EWSR1: variants seen among roughly 807,000 people sequenced by gnomAD.
The protein encoded by EWSR1 is EWS RNA binding protein 1.
EWSR1 carries 14 observed loss-of-function variants against 92.1 expected under a neutral mutation model. That is an observed-to-expected ratio of 0.15 (90% CI 0.10 to 0.24). The LOEUF is 0.24. EWSR1 is among the 10% of genes least tolerant of loss of function. The pLI is 1.00. For missense variants in EWSR1, 637 were observed against 870.9 expected, an observed-to-expected ratio of 0.73 and a Z score of 3.38; for synonymous variants, 303 against 292.9, an observed-to-expected ratio of 1.03 and a Z score of -0.35.
chr22:29,297,207 C>T (rs1377459388), intron 12 of EWSR1, among the ~76,000 whole-genome samples: 2 of 152,158 alleles, frequency 1.3e-5, no homozygotes, highest in Non-Finnish European at 2.9e-5. Context: ...AGTGCAGTGA[C>T]ACAAGCCATC....
intron 11 of EWSR1, among the ~76,000 whole-genome samples, chr22:29,293,651 G>A (rs996377855): frequency 9.9e-5 from 15 of 152,212 alleles, no homozygotes; most frequent in African/African-American, 3.6e-4. Flanking sequence ...TGCAGCCTCT[G>A]GCTCCTGGGT....
intron 5 of EWSR1, among the ~76,000 whole-genome samples, chr22:29,279,631 A>G (rs540012497): frequency 2.0e-5 from 3 of 152,342 alleles, no homozygotes; most frequent in Admixed American, 6.5e-5. Flanking sequence ...GAAAGAAGAC[A>G]TTTTAGGAAA....
chr22:29,299,864 G>GA lies in EWSR1; in HGVS notation c.1931+17dup. On this transcript the variant is annotated intron_variant, in intron 16 of 16. Transcript: ENST00000397938. ...GAAAAATGGATAAGTAAGTGCTGGTGAAAAGCAGCTGTGGGCCGCCAGGCA... is the reference window on the plus strand; with the variant it reads ...GAAAAATGGATAAGTAAGTGCTGGTGAAAAAGCAGCTGTGGGCCGCCAGGCA... The GA allele has an allele frequency of 6.5e-7, 1 of 1,535,794 alleles. No individual in the cohort carries two copies. The highest frequency in any genetic ancestry group is 1.4e-5 in the African/African-American group (1 of 72,508).
At chr22:29,268,801 C>T (rs1252738749) in intron 1 of EWSR1, among the ~76,000 whole-genome samples, 1 of 152,226 alleles carries the variant, frequency 6.6e-6, no homozygotes, top group South Asian at 2.1e-4. Flanking sequence ...CCTGAGAAAC[C>T]AGGGGAAAAA....
intron 12 of EWSR1, among the ~76,000 whole-genome samples, chr22:29,297,571 G>T (rs1300505421): frequency 6.6e-6 from 1 of 152,166 alleles, no homozygotes; most frequent in East Asian, 1.9e-4. Flanking sequence ...ATGCGTGCCT[G>T]TAGTCCCAGC....
chr22:29,291,448 A>G, intron 8 of EWSR1, 114 bp from the exon 9 acceptor site: 1 of 944,494 alleles, frequency 1.1e-6, no homozygotes, highest in South Asian at 1.7e-5. Context: ...AGAGAGATGC[A>G]TTGTTTGGAG....
chr22:29,281,154 T>C (rs2059570693), intron 5 of EWSR1, among the ~76,000 whole-genome samples: 1 of 151,878 alleles, frequency 6.6e-6, no homozygotes, highest in South Asian at 2.1e-4. Flanking sequence ...TCTGGGATTA[T>C]AGGTGTGAAC....
intron 6 of EWSR1, among the ~76,000 whole-genome samples, chr22:29,285,163 G>A (rs933095095): frequency 9.3e-6 from 1 of 107,872 alleles, no homozygotes; most frequent in African/African-American, 3.8e-5. Context: ...TTGCTCTGTT[G>A]CCCAGGTTGG....
chr22:29,285,554 G>C (rs1245944707), intron 6 of EWSR1, among the ~76,000 whole-genome samples: 1 of 151,330 alleles, frequency 6.6e-6, no homozygotes, highest in African/African-American at 2.5e-5. Flanking sequence ...TTAATACTCA[G>C]ATTTCATAGT....
rs1162132193 is a variant in EWSR1 at position 29,276,409 on chromosome 22, T to A, written c.227-1621T>A. 3 of 222,354 alleles carry A rather than the reference T, an allele frequency of 1.3e-5. No homozygotes were observed. The East Asian group carries it at 2.0e-4, about 15-fold the overall frequency. The allele number at this position is 222,354 out of a possible 1,614,324, so 13.8% of individuals were successfully genotyped here. On this transcript the variant is annotated intron_variant, in intron 4 of 16. Coordinates refer to ENST00000397938, the MANE Select transcript of EWSR1 (RefSeq NM_005243.4). ...AGCAGTTTTGACAAGGACATTACTA[T>A]CTCTGTGTATAATTTCAGAATTTCC...
Position 29,296,311 on chromosome 22 carries a change from G to GGC in EWSR1, c.1237_1238insGC (p.Ala413GlyfsTer40). The GGC allele has an allele frequency of 6.2e-7, 1 of 1,614,100 alleles. No homozygotes were observed. The stretch of plus-strand genomic sequence containing the variant: ...GGAAACAGGAAAGCCCAAAGGCGAT[G>GGC]CCACAGTGTCCTATGAAGACCCACC... On this transcript the variant is annotated frameshift_variant, in exon 12 of 17. Transcript: ENST00000397938. LOFTEE classifies it high-confidence loss of function.
At chr22:29,288,003 C>A (rs1229978554) in intron 7 of EWSR1, among the ~76,000 whole-genome samples, 2 of 151,794 alleles carry the variant, frequency 1.3e-5, no homozygotes, top group East Asian at 3.9e-4. Context: ...ATAGTGAGAC[C>A]CTGTCTTTTT....
chr22:29,268,403 G>A, intron 1 of EWSR1, 54 bp downstream of exon 1: 2 of 1,613,686 alleles, frequency 1.2e-6, no homozygotes, highest in Non-Finnish European at 1.7e-6. Flanking sequence ...GCCCAAACTG[G>A]GGGTCGTTCG....
Position 29,300,484 on chromosome 22 carries a change from T to G in EWSR1, c.*323T>G, listed in dbSNP as rs1400558459. ...CAATGTTCATGGTTGTGATGTTTTT[T>G]TTTTTTTTTTAAATAAAATTCCAAA... On this transcript the variant is annotated 3_prime_UTR_variant, in exon 17 of 17. Transcript: ENST00000397938. The G allele has an allele frequency of 4.0e-5, 10 of 251,718 alleles. No individual in the cohort carries two copies. Among genetic ancestry groups the G allele is most frequent in the African/African-American group, 8.9e-5 (4 of 45,112 alleles). The allele number at this position is 251,718 out of a possible 1,614,324, so 15.6% of individuals were successfully genotyped here. A position where few individuals can be genotyped will look rare whatever the true frequency, so the allele number is the denominator to read the frequency against.
intron 3 of EWSR1, among the ~76,000 whole-genome samples, 163 bp from the exon 4 acceptor site, chr22:29,273,578 C>G (rs1045102928): frequency 6.6e-6 from 1 of 152,106 alleles, no homozygotes; most frequent in African/African-American, 2.4e-5. Context: ...GGATAACATT[C>G]ATGATACTGT....
At chr22:29,274,835 A>G (rs560459990) in intron 4 of EWSR1, among the ~76,000 whole-genome samples, 1 of 152,322 alleles carries the variant, frequency 6.6e-6, no homozygotes, top group African/African-American at 2.4e-5. Context: ...TGAAAAACCT[A>G]TGATAATTTT....
intron 6 of EWSR1, among the ~76,000 whole-genome samples, chr22:29,284,305 T>C (rs923165804): frequency 1.3e-5 from 2 of 151,438 alleles, no homozygotes; most frequent in African/African-American, 4.9e-5. Flanking sequence ...CATGTTTAAT[T>C]AGATGTGGGT....
intron 5 of EWSR1, among the ~76,000 whole-genome samples, chr22:29,282,015 C>T (rs914949148): frequency 2.6e-5 from 4 of 152,220 alleles, no homozygotes; most frequent in African/African-American, 9.7e-5. Flanking sequence ...TGGTCTTCAG[C>T]AGTCCCCTTT....
Position 29,273,365 on chromosome 22 carries a change from C to T in EWSR1, c.103-376C>T, listed in dbSNP as rs76596505. ...GTTTCCAATCACTAAAACTGTGCTA[C>T]GCTAAGTGCTAGCAGTTAATACACC... On this transcript the variant is annotated intron_variant, in intron 3 of 16. Coordinates refer to ENST00000397938, the MANE Select transcript of EWSR1 (RefSeq NM_005243.4). Among the ~76,000 whole-genome samples, 526 of 152,328 alleles carry T rather than the reference C, an allele frequency of 3.5e-3. 3 individuals are homozygous for T. The highest frequency in any genetic ancestry group is 0.011 in the African/African-American group (471 of 41,578).
Sources: gnomAD v4.1 joint callset for allele counts (sites outside exome capture counted in the v4.1 genomes callset) on GRCh38, gnomAD v4.1.1 for gene constraint, MANE v1.5 for transcripts, NCBI Gene and HGNC (gene_info 2026-07-23, HGNC 2026-07-21) for gene names.